Variants in PACRGL observed in about 807,000 individuals in gnomAD.
The protein encoded by PACRGL is PACRG-like protein.
In PACRGL, 38 loss-of-function variants were observed where a neutral mutation model predicts 34.5. The observed-to-expected ratio is 1.10, with a 90% confidence interval of 0.85 to 1.44. PACRGL has a LOEUF of 1.44. Ranked by LOEUF, PACRGL falls within the 40% of genes most tolerant of loss-of-function variation. PACRGL has a pLI of 0.00. For synonymous variants in PACRGL, 128 were observed against 100.1 expected (o/e 1.28, Z -1.66); for missense variants, 305 against 281.4 (o/e 1.08, Z -0.60).
At position 20,729,324 on chromosome 4, in the gene PACRGL, T is replaced by TAATG. The variant is rs1416333159; in HGVS notation, c.*1985_*1988dup. The TAATG allele has an allele frequency of 1.3e-5, 2 of 151,428 alleles. No individual in the cohort carries two copies. Among genetic ancestry groups the TAATG allele is most frequent in the Non-Finnish European group, 2.9e-5 (2 of 67,948 alleles). 9.4% of individuals were successfully genotyped at this position (151,428 alleles called of 1,614,324 possible). A position where few individuals can be genotyped will look rare whatever the true frequency, so the allele number is the denominator to read the frequency against. On this transcript the variant is annotated 3_prime_UTR_variant, in exon 9 of 9. Transcript: ENST00000503585. ...TCAACTTCCACTTAATGATTGATAC[T>TAATG]AATGATTGATACAATAGAAAACAGC...
At chr4:20,757,660 C>G (rs939513437), downstream of PACRGL, among the ~76,000 whole-genome samples, 2 of 152,138 alleles carry the variant, frequency 1.3e-5, no homozygotes, top group African/African-American at 4.8e-5. Flanking sequence ...AGCGGGAAGA[C>G]ATCATACTCA....
In PACRGL at chr4:20,727,488, T is replaced by C. The variant is rs956101959; in HGVS notation, c.*147T>C. 3 of 591,356 alleles carry C rather than the reference T, an allele frequency of 5.1e-6. No individual in the cohort carries two copies. Among genetic ancestry groups the C allele is most frequent in the South Asian group, 6.0e-5 (2 of 33,234 alleles). 36.6% of individuals were successfully genotyped at this position (591,356 alleles called of 1,614,324 possible). On this transcript the variant is annotated 3_prime_UTR_variant, in exon 9 of 9. Transcript: ENST00000503585. ...ATGAATAGACACTGAATCAAAGTTA[T>C]TCATCAACAAAAAAGAACAGTTACT...
the PACRGL span, chr4:20,758,702 CATTA>C: frequency 2.6e-6 from 2 of 761,516 alleles, no homozygotes; most frequent in African/African-American, 3.5e-5. Context: ...GCATGCTGTG[CATTA>C]ATTCTTTTAC....
chr4:20,709,908 A>G, intron 5 of PACRGL, 135 bp downstream of exon 5: 1 of 637,570 alleles, frequency 1.6e-6, no homozygotes, highest in Non-Finnish European at 2.8e-6. Context: ...TTGAAACACC[A>G]CACACCCTTA....
rs944875183 is a variant in PACRGL, at chr4:20,704,679, A to G, written c.72A>G (p.Thr24=). 7.4e-6 allele frequency: 12 copies of G among 1,614,030 alleles called. No individual in the cohort carries two copies. In the African/African-American group the frequency reaches 1.6e-4, roughly 22 times the overall value. ...NRATGNYDQR[T]SSSTQLKHRN... is the part of the protein sequence containing the mutation. ...TTCCAGGTAACTATGATCAAAGGAC[A>G]TCATCAAGCACACAGTTAAAACACA... Residue 24 remains threonine (T), a synonymous_variant, in exon 3 of 9, where the codon ACA becomes ACG. Transcript: ENST00000503585.
chr4:20,750,000 A>G (rs1753299583), intron 8 of PACRGL, among the ~76,000 whole-genome samples: 1 of 152,204 alleles, frequency 6.6e-6, no homozygotes, highest in Non-Finnish European at 1.5e-5. Flanking sequence ...TGAGATTAAC[A>G]CTGGGACAAG....
At chr4:20,702,322 T>C (rs1040836539) in intron 1 of PACRGL, 1 of 403,808 alleles carries the variant, frequency 2.5e-6, no homozygotes, top group African/African-American at 2.1e-5. Flanking sequence ...CTTTTATCTG[T>C]TGCAGCTGTT....
chr4:20,705,853 C>T (rs2149055333), intron 3 of PACRGL, among the ~76,000 whole-genome samples: 1 of 148,626 alleles, frequency 6.7e-6, no homozygotes, highest in African/African-American at 2.5e-5. Flanking sequence ...ATAATGTTCA[C>T]CTTTGGGGCG....
downstream of PACRGL, among the ~76,000 whole-genome samples, chr4:20,735,989 T>G (rs1749542104): frequency 1.3e-5 from 2 of 152,224 alleles, no homozygotes. Context: ...TCCTTCCTTT[T>G]ATAGCTGTAT....
At chr4:20,719,139 T>C (rs562346145) in intron 7 of PACRGL, among the ~76,000 whole-genome samples, 1 of 152,360 alleles carries the variant, frequency 6.6e-6, no homozygotes, top group Admixed American at 6.5e-5. Context: ...TAGTATTCTC[T>C]GATGGTAGTT....
At chr4:20,717,466 G>C (rs1362372207) in intron 7 of PACRGL, among the ~76,000 whole-genome samples, 1 of 152,022 alleles carries the variant, frequency 6.6e-6, no homozygotes, top group Admixed American at 6.6e-5. Context: ...TATGGTTTTA[G>C]GTCTAACATT....
rs1748182489 is a variant in PACRGL at position 20,731,459 on chromosome 4, A to T, written c.*4118A>T. On this transcript the variant is annotated 3_prime_UTR_variant, in exon 9 of 9. Transcript: ENST00000503585. Reference sequence around the variant, plus strand: ...ACACTGGTTTCTTTGATAACAGGCTACTACCTGGAGTTCTCTTCAGAGAAA... The same window carrying T: ...ACACTGGTTTCTTTGATAACAGGCTTCTACCTGGAGTTCTCTTCAGAGAAA... The T allele has an allele frequency of 1.0e-6, 1 of 985,172 alleles. No individual in the cohort carries two copies. Among genetic ancestry groups the T allele is most frequent in the African/African-American group, 1.7e-5 (1 of 57,244 alleles). 61.0% of individuals were successfully genotyped at this position (985,172 alleles called of 1,614,324 possible).
At chr4:20,722,030 G>T (rs948537182) in intron 7 of PACRGL, among the ~76,000 whole-genome samples, 1 of 152,216 alleles carries the variant, frequency 6.6e-6, no homozygotes, top group Non-Finnish European at 1.5e-5. Context: ...AATGGCGGGC[G>T]CCCCTCTCCC....
At chr4:20,743,371 A>C (rs1440360414) in intron 8 of PACRGL, among the ~76,000 whole-genome samples, 1 of 152,180 alleles carries the variant, frequency 6.6e-6, no homozygotes. Flanking sequence ...TTCAAACTAT[A>C]CTACAAGGCT....
In PACRGL at chr4:20,740,701, C is replaced by T. The variant is rs183239677; in HGVS notation, c.*57-11864C>T. Among the ~76,000 whole-genome samples the T allele has an allele frequency of 4.6e-5, 7 of 152,284 alleles. No homozygotes were observed. In the East Asian group the frequency reaches 1.3e-3, roughly 29 times the overall value. Reference sequence around the variant, plus strand: ...AAATAACCAGCTAACATCATAATGACAGGATCAAATTCACACATAACAATA... The same window carrying T: ...AAATAACCAGCTAACATCATAATGATAGGATCAAATTCACACATAACAATA... On this transcript the variant is annotated intron_variant, in intron 8 of 8. Coordinates refer to the PACRGL transcript ENST00000507634.
intron 1 of PACRGL, among the ~76,000 whole-genome samples, chr4:20,703,317 C>T (rs1013078459): frequency 6.6e-5 from 10 of 151,932 alleles, no homozygotes; most frequent in Admixed American, 2.0e-4. Flanking sequence ...ACTAGATTGT[C>T]GTGGAAGTGA....
intron 8 of PACRGL, among the ~76,000 whole-genome samples, chr4:20,745,349 G>A (rs1338389598): frequency 2.0e-5 from 3 of 152,072 alleles, no homozygotes. Context: ...GATAGCTATG[G>A]TCTTAGAGCA....
At chr4:20,744,062 G>C (rs1751833945) in intron 8 of PACRGL, among the ~76,000 whole-genome samples, 1 of 152,154 alleles carries the variant, frequency 6.6e-6, no homozygotes, top group East Asian at 1.9e-4. Context: ...ACCACAATGA[G>C]ATACCATCTC....
intron 7 of PACRGL, among the ~76,000 whole-genome samples, chr4:20,723,048 A>G (rs544011542): frequency 6.6e-6 from 1 of 152,312 alleles, no homozygotes; most frequent in South Asian, 2.1e-4. Flanking sequence ...TGGTATAAGA[A>G]GTAGGTGCGA....
Sources: gnomAD v4.1 joint callset for allele counts (sites outside exome capture counted in the v4.1 genomes callset) on GRCh38, gnomAD v4.1.1 for gene constraint, MANE v1.5 for transcripts, NCBI Gene and HGNC (gene_info 2026-07-23, HGNC 2026-07-21) for gene names.